CDH3: variants seen among roughly 807,000 people sequenced by gnomAD.
The protein encoded by CDH3 is cadherin 3.
A neutral mutation model predicts 82.0 loss-of-function variants in CDH3; 54 were observed. That is an observed-to-expected ratio of 0.66 (90% CI 0.53 to 0.83). The LOEUF (loss-of-function observed/expected upper bound fraction) is 0.83. Among genes scored for constraint, CDH3 ranks in the 40% least tolerant of loss-of-function variants. The pLI, the probability that CDH3 is intolerant of heterozygous loss-of-function variation, is 0.00. For synonymous variants in CDH3, 446 were observed against 437.9 expected, an observed-to-expected ratio of 1.02 and a Z score of -0.23; for missense variants, 1,054 against 1,084.6, an observed-to-expected ratio of 0.97 and a Z score of 0.40.
In CDH3 at chr16:68,654,919, C is replaced by A. The variant is rs200535989; in HGVS notation, c.160+9169C>A. On this transcript the variant is annotated intron_variant, in intron 2 of 15. Coordinates refer to ENST00000264012, the MANE Select transcript of CDH3 (RefSeq NM_001793.6). ...GGCGTGGTGGTGTGCGCCTGTAATC[C>A]TAGCTACTCAGGAGGCTGAGGTAGG... is the stretch of plus-strand genomic sequence containing the variant. Among the ~76,000 whole-genome samples, 5 of 151,762 alleles carry A rather than the reference C, an allele frequency of 3.3e-5. No homozygotes were observed. In the East Asian group the frequency reaches 9.7e-4, roughly 29 times the overall value.
At chr16:68,677,503 C>T (rs760171975) in intron 3 of CDH3, among the ~76,000 whole-genome samples, 2 of 152,140 alleles carry the variant, frequency 1.3e-5, no homozygotes, top group Non-Finnish European at 1.5e-5. Flanking sequence ...TTTGGGAGGC[C>T]GAGGCGGGTG....
At chr16:68,645,867 G>T (rs2236393) in intron 2 of CDH3, 117 bp downstream of exon 2, 1 of 762,272 alleles carries the variant, frequency 1.3e-6, no homozygotes, top group South Asian at 1.8e-5. Flanking sequence ...TCAGTTCCCG[G>T]GGAGGCGCAG....
intron 9 of CDH3, among the ~76,000 whole-genome samples, chr16:68,684,316 G>C (rs1961333226): frequency 6.6e-6 from 1 of 152,140 alleles, no homozygotes; most frequent in African/African-American, 2.4e-5. Flanking sequence ...AGGCCCCCCA[G>C]TTTTCTCAAA....
intron 2 of CDH3, among the ~76,000 whole-genome samples, chr16:68,655,239 A>G (rs891500656): frequency 1.3e-5 from 2 of 152,008 alleles, no homozygotes; most frequent in Admixed American, 6.6e-5. Context: ...TTTGGCCAAC[A>G]TGTTCAAATC....
At position 68,645,702 on chromosome 16, in the gene CDH3, T is replaced by C. The variant is rs1359945925; in HGVS notation, c.112T>C (p.Leu38=). 5.8e-6 allele frequency: 9 copies of C among 1,546,160 alleles called. No individual in the cohort carries two copies. Among genetic ancestry groups the C allele is most frequent in the Non-Finnish European group, 6.1e-6 (7 of 1,146,502 alleles). ...RAVFREAEVT[L]EAGGAEQEPG... ...GGTCTTCAGGGAGGCTGAAGTGACC[T>C]TGGAGGCGGGAGGCGCGGAGCAGGA... is the stretch of plus-strand genomic sequence containing the variant. The change falls in exon 2 of 16, where the codon TTG becomes CTG. Residue 38 remains leucine (L), a synonymous_variant. Coordinates refer to ENST00000264012, the MANE Select transcript of CDH3 (RefSeq NM_001793.6).
At chr16:68,709,337 G>C (rs1178862951) in intron 1 of CDH3, among the ~76,000 whole-genome samples, 1 of 152,166 alleles carries the variant, frequency 6.6e-6, no homozygotes, top group Non-Finnish European at 1.5e-5. Context: ...CTCCCAAAGT[G>C]TTGGGATTAC....
In CDH3 at chr16:68,698,292, C is replaced by T. The variant is rs754165264; in HGVS notation, c.2382C>T (p.Ser794=). ...GSGSDAASLS[S]LTSSASDQDQ... ...GCTCCGACGCCGCGTCCCTGAGCTC[C>T]CTCACCTCCTCCGCCTCCGACCAAG... Residue 794 remains serine, a synonymous_variant, in exon 16 of 16, where the codon TCC becomes TCT. Coordinates refer to ENST00000264012, the MANE Select transcript of CDH3 (RefSeq NM_001793.6). 1.1e-5 allele frequency: 17 copies of T among 1,614,136 alleles called. No homozygotes were observed. The South Asian group carries it at 1.9e-4, about 18-fold the overall frequency.
At chr16:68,715,296 G>A (rs1264857921) in intron 1 of CDH3, among the ~76,000 whole-genome samples, 2 of 151,682 alleles carry the variant, frequency 1.3e-5, no homozygotes, top group African/African-American at 4.8e-5. Context: ...GCATAGTGGT[G>A]CAGCCCTGTA....
At chr16:68,704,376 G>C (rs1397309952), downstream of CDH3, among the ~76,000 whole-genome samples, 1 of 152,232 alleles carries the variant, frequency 6.6e-6, no homozygotes, top group African/African-American at 2.4e-5. Flanking sequence ...TGTTGTGGTA[G>C]TGTAGGGACT....
chr16:68,681,020 G>C lies in CDH3; in HGVS notation c.920G>C (p.Gly307Ala), dbSNP rs1467060636. 3.7e-6 allele frequency: 6 copies of C among 1,613,894 alleles called. No individual in the cohort carries two copies. The South Asian group carries it at 6.6e-5, about 18-fold the overall frequency. ...CAGGCCACAGACATGGATGGGGACG[G>C]CTCCACCACCACGGCAGTGGCAGTA... ...TIQATDMDGD[G>A]STTTAVAVVE... Residue 307 changes from glycine (G) to alanine (A), a missense_variant, in exon 8 of 16, where the codon GGC (glycine) becomes GCC (alanine). Physicochemically the swap from Gly to Ala is moderately conservative, Grantham distance 60. Coordinates refer to ENST00000264012, the MANE Select transcript of CDH3 (RefSeq NM_001793.6).
intron 15 of CDH3, chr16:68,696,758 T>C (rs1369359173): frequency 6.5e-6 from 1 of 152,748 alleles, no homozygotes; most frequent in African/African-American, 2.4e-5. Context: ...ATCCACCAGG[T>C]GGCTCTTGGC....
intron 1 of CDH3, among the ~76,000 whole-genome samples, chr16:68,719,103 G>A (rs1198950530): frequency 1.3e-5 from 2 of 151,864 alleles, no homozygotes; most frequent in African/African-American, 2.4e-5. Flanking sequence ...TTAGCTGGGC[G>A]TGGTGGTGCA....
rs774229703 is a variant in CDH3 at position 68,698,340 on chromosome 16, C to T, written c.2430C>T (p.Asn810=). 39 of 1,614,200 alleles carry T rather than the reference C, an allele frequency of 2.4e-5. No homozygotes were observed. The highest frequency in any genetic ancestry group is 2.9e-5 in the Non-Finnish European group (34 of 1,180,020). ...AAGACCAAGATTACGATTATCTGAACGAGTGGGGCAGCCGCTTCAAGAAGC... is the reference window on the plus strand; with the variant it reads ...AAGACCAAGATTACGATTATCTGAATGAGTGGGGCAGCCGCTTCAAGAAGC... ...SDQDQDYDYL[N]EWGSRFKKLA... Residue 810 remains asparagine, a synonymous_variant, in exon 16 of 16, where the codon AAC becomes AAT. Transcript: ENST00000264012.
rs1164467749 is a variant in CDH3, at chr16:68,707,846, G to A, written c.99+11923G>A. Among the ~76,000 whole-genome samples, 2 of 152,052 alleles carry A rather than the reference G, an allele frequency of 1.3e-5. No homozygotes were observed. The highest frequency in any genetic ancestry group is 2.1e-4 in the South Asian group (1 of 4,818). On this transcript the variant is annotated intron_variant, in intron 1 of 2. Transcript: ENST00000569080. The surrounding 1 kb of genome is among the most constrained non-coding windows in gnomAD (Gnocchi z 4.5). ...GCAAGCGGCAGGGGTGTGGCGGGCC[G>A]GGGAGGAATCTGAGAGGGGCGGGGC...
At chr16:68,714,223 C>T (rs946097328) in intron 1 of CDH3, among the ~76,000 whole-genome samples, 4 of 152,094 alleles carry the variant, frequency 2.6e-5, no homozygotes, top group Non-Finnish European at 4.4e-5. Flanking sequence ...CGTGAGCCAC[C>T]GCACCCAGCC....
At position 68,695,209 on chromosome 16, in the gene CDH3, A is replaced by T. The variant is rs8060790; in HGVS notation, c.2003-46A>T. ...TCTGAGGGCCTGGGGGTCTTGGCCC[A>T]CTGTGTGGTTACAGAGGGAGCACTC... On this transcript the variant is annotated intron_variant, in intron 13 of 15. Coordinates refer to ENST00000264012, the MANE Select transcript of CDH3 (RefSeq NM_001793.6). The T allele has an allele frequency of 8.7e-6, 14 of 1,611,428 alleles. No individual in the cohort carries two copies. The African/African-American group carries it at 1.9e-4, about 22-fold the overall frequency.
chr16:68,691,987 C>T, intron 13 of CDH3, 61 bp downstream of exon 13: 1 of 1,398,898 alleles, frequency 7.1e-7, no homozygotes, highest in South Asian at 1.2e-5. Context: ...TGGATTCTAC[C>T]TTGAGCTTTA....
intron 2 of CDH3, among the ~76,000 whole-genome samples, chr16:68,646,731 A>G (rs1369429791): frequency 1.3e-5 from 2 of 152,068 alleles, no homozygotes; most frequent in Admixed American, 6.5e-5. Flanking sequence ...GGATCCTTAC[A>G]CTGAAATTTT....
intron 2 of CDH3, chr16:68,651,499 T>A: frequency 2.0e-6 from 1 of 500,154 alleles, no homozygotes; most frequent in Admixed American, 2.3e-5. Context: ...TAGTCGAAGT[T>A]TTGCTCCTGC....
Sources: gnomAD v4.1 joint callset for allele counts (sites outside exome capture counted in the v4.1 genomes callset) on GRCh38, gnomAD v4.1.1 for gene constraint, Gnocchi (gnomAD v3.1) non-coding constraint, MANE v1.5 for transcripts, NCBI Gene and HGNC (gene_info 2026-07-23, HGNC 2026-07-21) for gene names.